Variants in FAM83G observed in about 807,000 individuals in gnomAD.
The protein encoded by FAM83G is scaffolding CK1 anchoring protein G.
In FAM83G, 38 loss-of-function variants were observed where a neutral mutation model predicts 61.5. The observed-to-expected ratio is 0.62, with a 90% CI of 0.48 to 0.81. The LOEUF (loss-of-function observed/expected upper bound fraction) is 0.81, where lower values mean the gene tolerates loss of function less well. Among genes scored for constraint, FAM83G ranks in the 30% least tolerant of loss-of-function variants. FAM83G has a pLI of 0.00. For synonymous variants in FAM83G, 470 were observed against 476.1 expected (o/e 0.99, Z 0.17); for missense variants, 989 against 1,133.6 (o/e 0.87, Z 1.83).
intron 4 of FAM83G, chr17:18,979,139 G>T (rs2043064391): frequency 3.8e-6 from 2 of 519,738 alleles, no homozygotes; most frequent in South Asian, 4.6e-5. Context: ...ACACTGTGGG[G>T]GGTTCTGCAT....
Position 18,978,531 on chromosome 17 carries a change from G to A in FAM83G, c.1135C>T (p.Pro379Ser). 6.2e-7 allele frequency: 1 copy of A among 1,613,292 alleles called. No homozygotes were observed. Among genetic ancestry groups the A allele is most frequent in the Non-Finnish European group, 8.5e-7 (1 of 1,179,960 alleles). Residue 379 changes from proline (P) to serine (S), a missense_variant, in exon 5 of 6, where the codon CCA (proline) becomes TCA (serine). Pro to Ser is a moderately conservative substitution (Grantham distance 74, BLOSUM62 -1). Transcript: ENST00000388995. ...EAKKPLGLKG[P>S]ALAEHPGELP... ...TCCCCTGGATGCTCAGCCAGCGCTG[G>A]GCCTTTCAGCCCCAGGGGCTTCTTG...
At position 18,971,542 on chromosome 17, in the gene FAM83G, C is replaced by T. The variant is rs767932282; in HGVS notation, c.2289G>A (p.Leu763=). The change falls in exon 6 of 6, where the codon CTG becomes CTA. Residue 763 remains leucine, a synonymous_variant. Transcript: ENST00000388995. The surrounding 1 kb of genome is among the most constrained non-coding windows in gnomAD (Gnocchi z 5.5). The stretch of plus-strand genomic sequence containing the variant: ...CGGTCATGGGGCGGGCATTTTGGGC[C>T]AGTCTTGGGCTGCCGGGATCCGGAA... ...RLLPDPGSPR[L]AQNARPMTDG... is the part of the protein sequence containing the mutation. The T allele has an allele frequency of 3.0e-5, 49 of 1,613,786 alleles. No individual in the cohort carries two copies. Among genetic ancestry groups the T allele is most frequent in the Admixed American group, 1.2e-4 (7 of 60,000 alleles).
At chr17:18,985,069 G>A (rs1183853051) in intron 3 of FAM83G, among the ~76,000 whole-genome samples, 10 of 152,194 alleles carry the variant, frequency 6.6e-5, no homozygotes, top group African/African-American at 7.2e-5. Flanking sequence ...GGAAGGAGCC[G>A]AGTGAGGGTG....
In FAM83G at chr17:18,969,589, T is replaced by C; in HGVS notation, c.*1770A>G. On this transcript the variant is annotated 3_prime_UTR_variant, in exon 6 of 6. Transcript: ENST00000388995. ...GCCACTAGGCAGTCAGCCCCCCTGC[T>C]GGCCCCTCAGGGACTGCCCTGGCTG... The C allele has an allele frequency of 1.6e-6, 1 of 611,984 alleles. No homozygotes were observed. The highest frequency in any genetic ancestry group is 2.8e-6 in the Non-Finnish European group (1 of 357,170). 37.9% of individuals were successfully genotyped at this position (611,984 alleles called of 1,614,324 possible).
intron 2 of FAM83G, 54 bp from the exon 3 acceptor site, chr17:18,988,468 G>A: frequency 6.3e-7 from 1 of 1,594,556 alleles, no homozygotes. Context: ...AGTGGGGACA[G>A]GGTGCCCTGG....
At chr17:18,977,445 T>A in intron 5 of FAM83G, 139 bp downstream of exon 5, 1 of 876,704 alleles carries the variant, frequency 1.1e-6, no homozygotes, top group Non-Finnish European at 1.7e-6. Flanking sequence ...TGCCTGTTCA[T>A]CAAGTTTCCC....
intron 3 of FAM83G, among the ~76,000 whole-genome samples, chr17:18,984,332 CAAA>C (rs1176935676): frequency 1.5e-5 from 1 of 68,002 alleles, no homozygotes. Context: ...GACTCCCTCT[CAAA>C]AAAAAAAAAA....
chr17:19,003,724 C>A lies in FAM83G; in HGVS notation c.318G>T (p.Gly106=). ...GCAGCGGCTCGGCCTCGATGGGGAC[C>A]CCATCCGCCCCGCTGGCTTCCTCGC... ...GDGEEASGAD[G]VPIEAEPLPS... Residue 106 remains glycine, a synonymous_variant, in exon 2 of 6, where the codon GGG becomes GGT. Transcript: ENST00000388995. The surrounding 1 kb of genome is among the most constrained non-coding windows in gnomAD (Gnocchi z 4.5). 6.2e-7 allele frequency: 1 copy of A among 1,603,922 alleles called. No individual in the cohort carries two copies. Among genetic ancestry groups the A allele is most frequent in the Non-Finnish European group, 8.5e-7 (1 of 1,175,082 alleles).
chr17:18,994,559 A>AGGCTGAGCAGAGAACCACCGGAAAGGGGT (rs1388903088), intron 2 of FAM83G, among the ~76,000 whole-genome samples: 1 of 152,098 alleles, frequency 6.6e-6, no homozygotes, highest in Non-Finnish European at 1.5e-5. Context: ...TGGAAAGGGG[A>AGGCTGAGCAGAGAACCACCGGAAAGGGGT]GGCTGAGCAG....
rs199694829 is a variant in FAM83G, at chr17:18,969,057, C to T, written c.*2302G>A. 4.3e-6 allele frequency: 7 copies of T among 1,613,192 alleles called. No individual in the cohort carries two copies. The highest frequency in any genetic ancestry group is 4.0e-5 in the African/African-American group (3 of 75,030). On this transcript the variant is annotated 3_prime_UTR_variant, in exon 6 of 6. Transcript: ENST00000388995. Reference sequence around the variant, plus strand: ...AAGGCTCTCTCCCTCCGCAGCTGGACCTGTACGCGGGGGCTCTGTTTGTGC... The same window carrying T: ...AAGGCTCTCTCCCTCCGCAGCTGGATCTGTACGCGGGGGCTCTGTTTGTGC...
chr17:18,968,912 G>A lies in FAM83G; in HGVS notation c.*2447C>T. On this transcript the variant is annotated 3_prime_UTR_variant, in exon 6 of 6. Transcript: ENST00000388995. The surrounding 1 kb of genome is among the most constrained non-coding windows in gnomAD (Gnocchi z 4.1). ...ACCTCACAATGGCCCCGTGATGCAG[G>A]CAGGCAGGCGAGTGGGGGTCTCCCC... The A allele has an allele frequency of 1.4e-6, 1 of 694,508 alleles. No homozygotes were observed. The highest frequency in any genetic ancestry group is 2.9e-5 in the Admixed American group (1 of 33,946). The allele number at this position is 694,508 out of a possible 1,614,324, so 43.0% of individuals were successfully genotyped here.
At chr17:18,982,139 C>A (rs2152014499) in intron 3 of FAM83G, among the ~76,000 whole-genome samples, 1 of 152,382 alleles carries the variant, frequency 6.6e-6, no homozygotes, top group South Asian at 2.1e-4. Flanking sequence ...GAGCCGCAGG[C>A]CTCGGCTGGG....
At chr17:18,984,105 G>A (rs2043204395) in intron 3 of FAM83G, among the ~76,000 whole-genome samples, 1 of 152,160 alleles carries the variant, frequency 6.6e-6, no homozygotes, top group Admixed American at 6.5e-5. Context: ...CACTTTGGGA[G>A]GCCGAGGCGG....
At chr17:18,997,131 CA>C (rs2043589124) in intron 2 of FAM83G, among the ~76,000 whole-genome samples, 1 of 152,262 alleles carries the variant, frequency 6.6e-6, no homozygotes, top group Non-Finnish European at 1.5e-5. Context: ...TTCTGAGCAC[CA>C]AATGGCTGCA....
In FAM83G at chr17:18,971,892, G is replaced by T; in HGVS notation, c.2083-144C>A. The T allele has an allele frequency of 1.2e-6, 1 of 808,476 alleles. No homozygotes were observed. Among genetic ancestry groups the T allele is most frequent in the Non-Finnish European group, 1.9e-6 (1 of 530,714 alleles). The allele number at this position is 808,476 out of a possible 1,614,324, so 50.1% of individuals were successfully genotyped here. On this transcript the variant is annotated intron_variant, in intron 5 of 5. Transcript: ENST00000388995. This position sits in a 1 kb window ranked among gnomAD's most constrained non-coding sequence, Gnocchi z 5.5. ...TTCACCAGGGAGTGGGCCTAGACCA[G>T]TTGGTTTAGTCACTCGATGCCTCAG... is the stretch of plus-strand genomic sequence containing the variant.
At position 18,970,966 on chromosome 17, in the gene FAM83G, G is replaced by A. The variant is rs2042826336; in HGVS notation, c.*393C>T. The A allele has an allele frequency of 6.3e-7, 1 of 1,585,500 alleles. No homozygotes were observed. The highest frequency in any genetic ancestry group is 1.3e-5 in the African/African-American group (1 of 74,470). On this transcript the variant is annotated 3_prime_UTR_variant, in exon 6 of 6. Coordinates refer to ENST00000388995, the MANE Select transcript of FAM83G (RefSeq NM_001039999.3). ...GGCAGGGGGGAGCCCAGGGAGTCAG[G>A]GCCCCGCAACCACCAAACTGTCCCT...
intron 3 of FAM83G, among the ~76,000 whole-genome samples, chr17:18,981,578 C>A (rs1306913501): frequency 6.6e-6 from 1 of 152,182 alleles, no homozygotes; most frequent in African/African-American, 2.4e-5. Context: ...CAGCCTCCTG[C>A]CCTGCCAGTC....
At position 18,977,587 on chromosome 17, in the gene FAM83G, TGCCTCCTTGTCTGTGGA is replaced by T; in HGVS notation, c.2062_2078del (p.Ser688ThrfsTer16). 1 of 1,607,772 alleles carries T rather than the reference TGCCTCCTTGTCTGTGGA, an allele frequency of 6.2e-7. No homozygotes were observed. Among genetic ancestry groups the T allele is most frequent in the Non-Finnish European group, 8.5e-7 (1 of 1,179,512 alleles). ...GTGTGCAGGGACCCTGACCCACCTG[TGCCTCCTTGTCTGTGGA>T]GCGCTGGGCCTGCATCCTCTTCAAC... On this transcript the variant is annotated frameshift_variant, in exon 5 of 6. Coordinates refer to ENST00000388995, the MANE Select transcript of FAM83G (RefSeq NM_001039999.3). LOFTEE classifies it high-confidence loss of function.
chr17:19,005,832 C>T (rs2043871279), upstream of FAM83G, among the ~76,000 whole-genome samples: 1 of 152,234 alleles, frequency 6.6e-6, no homozygotes, highest in African/African-American at 2.4e-5. Flanking sequence ...TGCTACTGAA[C>T]ATAGTGGCCC....
Sources: allele counts gnomAD v4.1 joint callset (sites outside exome capture counted in the v4.1 genomes callset), GRCh38; gene constraint gnomAD v4.1.1; non-coding constraint Gnocchi (gnomAD v3.1); transcripts MANE v1.5; gene names NCBI Gene and HGNC (gene_info 2026-07-23, HGNC 2026-07-21).